EPHA8: variants seen among roughly 807,000 people sequenced by gnomAD.
EPHA8 encodes the protein EPH receptor A8.
In EPHA8, 58 loss-of-function variants were observed where a neutral mutation model predicts 103.6. The ratio of observed to expected loss-of-function variants is 0.56; its 90% CI spans 0.45 to 0.70. The LOEUF is 0.70. Ranked by LOEUF, EPHA8 falls within the 30% of genes least tolerant of loss-of-function variation. The pLI, the probability that EPHA8 is intolerant of heterozygous loss-of-function variation, is 0.00. For missense variants in EPHA8, 1,304 were observed against 1,395.2 expected (o/e 0.93, Z 1.04); for synonymous variants, 559 against 572.5 (o/e 0.98, Z 0.34).
At position 22,567,617 on chromosome 1, in the gene EPHA8, G is replaced by T. The variant is rs1285207978; in HGVS notation, c.95-1672G>T. 6.6e-6 allele frequency among the ~76,000 whole-genome samples: 1 copy of T among 152,178 alleles called. No individual in the cohort carries two copies. The highest frequency in any genetic ancestry group is 1.5e-5 in the Non-Finnish European group (1 of 68,022). ...CCGGCCTCCTTCAGGGTCCCTGACG[G>T]TGGGGTGGGGAGGGTGAGAGGCAGG... On this transcript the variant is annotated intron_variant, in intron 1 of 16. Transcript: ENST00000166244. The surrounding 1 kb of genome is among the most constrained non-coding windows in gnomAD (Gnocchi z 4.2).
intron 4 of EPHA8, among the ~76,000 whole-genome samples, chr1:22,588,647 G>C (rs992239479): frequency 2.0e-5 from 3 of 152,012 alleles, no homozygotes; most frequent in African/African-American, 7.3e-5. Flanking sequence ...GGGGTCCCAG[G>C]GTTCTGTGCC....
rs373394420 is a variant in EPHA8 at position 22,596,086 on chromosome 1, G to A, written c.1698-20G>A. 6 of 1,612,946 alleles carry A rather than the reference G, an allele frequency of 3.7e-6. No homozygotes were observed. The highest frequency in any genetic ancestry group is 5.1e-6 in the Non-Finnish European group (6 of 1,179,408). ...CTAGGGGTGGCCTGGCCTCAGGCAG[G>A]GCGGTGCCCTCCTCTGCAGGCACTG... On this transcript the variant is annotated intron_variant, in intron 8 of 16. Transcript: ENST00000166244.
At position 22,569,373 on chromosome 1, in the gene EPHA8, G is replaced by T. The variant is rs759007058; in HGVS notation, c.159+20G>T. On this transcript the variant is annotated intron_variant, in intron 2 of 16. Transcript: ENST00000166244. The surrounding 1 kb of genome is among the most constrained non-coding windows in gnomAD (Gnocchi z 4.5). ...CATGGGGTGAGTGATGGGCACTGGG[G>T]ACAACGTCATCCCTCTGTGAGCAGA... 1 of 1,572,102 alleles carries T rather than the reference G, an allele frequency of 6.4e-7. No homozygotes were observed. The highest frequency in any genetic ancestry group is 8.6e-7 in the Non-Finnish European group (1 of 1,160,090).
intron 13 of EPHA8, among the ~76,000 whole-genome samples, chr1:22,600,182 A>G (rs1210696156): frequency 8.6e-6 from 1 of 116,138 alleles, no homozygotes. Context: ...GGAAGGAAAG[A>G]AGGAGGGAAG....
Position 22,596,103 on chromosome 1 carries a change from C to G in EPHA8, c.1698-3C>G, listed in dbSNP as rs759355026. The G allele has an allele frequency of 3.7e-6, 6 of 1,613,724 alleles. No individual in the cohort carries two copies. The highest frequency in any genetic ancestry group is 5.1e-6 in the Non-Finnish European group (6 of 1,179,876). On this transcript the variant is annotated splice_region_variant and splice_polypyrimidine_tract_variant and intron_variant, in intron 8 of 16. Coordinates refer to ENST00000166244, the MANE Select transcript of EPHA8 (RefSeq NM_020526.5). Reference sequence around the variant, plus strand: ...TCAGGCAGGGCGGTGCCCTCCTCTGCAGGCACTGTGGCTACAGCAAGGCCT... The same window carrying G: ...TCAGGCAGGGCGGTGCCCTCCTCTGGAGGCACTGTGGCTACAGCAAGGCCT...
Position 22,598,934 on chromosome 1 carries a change from C to G in EPHA8, c.2275C>G (p.Arg759Gly). 1.9e-6 allele frequency: 3 copies of G among 1,612,704 alleles called. No individual in the cohort carries two copies. Among genetic ancestry groups the G allele is most frequent in the Non-Finnish European group, 2.5e-6 (3 of 1,179,836 alleles). Residue 759 changes from arginine to glycine, a missense_variant, in exon 13 of 17, where the codon CGA becomes GGA. Coordinates refer to ENST00000166244, the MANE Select transcript of EPHA8 (RefSeq NM_020526.5). The surrounding 1 kb of genome is among the most constrained non-coding windows in gnomAD (Gnocchi z 5.1). Reference protein sequence around the residue: ...RYLSDLGYVHRDLAARNVLVD... With the variant: ...RYLSDLGYVHGDLAARNVLVD... Reference sequence around the variant, plus strand: ...CCTCTCAGACCTGGGCTATGTCCACCGAGACCTGGCCGCCCGCAACGTCCT... The same window carrying G: ...CCTCTCAGACCTGGGCTATGTCCACGGAGACCTGGCCGCCCGCAACGTCCT...
At chr1:22,593,736 C>A in intron 7 of EPHA8, 50 bp downstream of exon 7, 1 of 1,483,212 alleles carries the variant, frequency 6.7e-7, no homozygotes, top group South Asian at 1.4e-5. Flanking sequence ...GTGCCAGGAC[C>A]CTGGGGTCGG....
At chr1:22,573,579 T>C (rs1209419551) in intron 2 of EPHA8, among the ~76,000 whole-genome samples, 1 of 152,124 alleles carries the variant, frequency 6.6e-6, no homozygotes, top group Non-Finnish European at 1.5e-5. Context: ...ATAGGATCTC[T>C]AGTTCAAGGA....
At chr1:22,578,341 C>A (rs1255875020) in intron 3 of EPHA8, among the ~76,000 whole-genome samples, 1 of 132,396 alleles carries the variant, frequency 7.6e-6, no homozygotes, top group Non-Finnish European at 1.6e-5. Flanking sequence ...TGAGTGTATG[C>A]ATGTGTGTAT....
At chr1:22,591,007 C>A (rs537551866) in intron 5 of EPHA8, among the ~76,000 whole-genome samples, 5 of 152,028 alleles carry the variant, frequency 3.3e-5, no homozygotes, top group East Asian at 2.0e-4. Flanking sequence ...TTCCACCCCC[C>A]ACGAGTCCAT....
At chr1:22,596,670 T>A (rs1050953971) in intron 9 of EPHA8, among the ~76,000 whole-genome samples, 5 of 151,934 alleles carry the variant, frequency 3.3e-5, no homozygotes, top group East Asian at 1.9e-4. Flanking sequence ...TTTTATTATT[T>A]TTTTTTTCTG....
chr1:22,597,672 G>T lies in EPHA8; in HGVS notation c.1931-4G>T. On this transcript the variant is annotated splice_region_variant and splice_polypyrimidine_tract_variant and intron_variant, in intron 10 of 16. Transcript: ENST00000166244. This position sits in a 1 kb window ranked among gnomAD's most constrained non-coding sequence, Gnocchi z 4.6. Reference sequence around the variant, plus strand: ...TCCACACCTGCCCCTCTCGGGGCCTGCAGGAGACTCCGGGGAAGTCTGCTA... The same window carrying T: ...TCCACACCTGCCCCTCTCGGGGCCTTCAGGAGACTCCGGGGAAGTCTGCTA... The T allele has an allele frequency of 6.2e-7, 1 of 1,602,682 alleles. No homozygotes were observed.
chr1:22,565,497 G>T lies in EPHA8; in HGVS notation c.94+1768G>T, dbSNP rs528932651. Among the ~76,000 whole-genome samples, 70 of 152,314 alleles carry T rather than the reference G, an allele frequency of 4.6e-4. No homozygotes were observed. In the South Asian group the frequency reaches 0.014, roughly 30 times the overall value. ...CGAGAAGACGGCTTTCTGAGGGTGGGTGGAGGGAAGGGGACAGTTCGTTTG... is the reference window on the plus strand; with the variant it reads ...CGAGAAGACGGCTTTCTGAGGGTGGTTGGAGGGAAGGGGACAGTTCGTTTG... On this transcript the variant is annotated intron_variant, in intron 1 of 16. Coordinates refer to ENST00000166244, the MANE Select transcript of EPHA8 (RefSeq NM_020526.5).
intron 2 of EPHA8, among the ~76,000 whole-genome samples, chr1:22,572,236 G>A (rs1256978799): frequency 2.6e-5 from 4 of 152,232 alleles, no homozygotes; most frequent in African/African-American, 9.6e-5. Flanking sequence ...AAGGGCCAGG[G>A]CACTGGGTCC....
intron 3 of EPHA8, among the ~76,000 whole-genome samples, chr1:22,585,118 G>T (rs1641166248): frequency 6.6e-6 from 1 of 151,990 alleles, no homozygotes; most frequent in Non-Finnish European, 1.5e-5. Flanking sequence ...AGCTCAGTAG[G>T]TGGACAGAGG....
Position 22,602,060 on chromosome 1 carries a change from G to T in EPHA8, c.*319G>T. 6 of 473,170 alleles carry T rather than the reference G, an allele frequency of 1.3e-5. No homozygotes were observed. The highest frequency in any genetic ancestry group is 1.5e-5 in the Non-Finnish European group (4 of 268,108). 29.3% of individuals were successfully genotyped at this position (473,170 alleles called of 1,614,324 possible). ...TGCCTCTGTGTGCGTGCATGTGTGT[G>T]TGTGGTGGGGGGTGTTCTCACAAGG... On this transcript the variant is annotated 3_prime_UTR_variant, in exon 17 of 17. Transcript: ENST00000166244.
chr1:22,597,578 G>A lies in EPHA8; in HGVS notation c.1931-98G>A. On this transcript the variant is annotated intron_variant, in intron 10 of 16. Transcript: ENST00000166244. This position sits in a 1 kb window ranked among gnomAD's most constrained non-coding sequence, Gnocchi z 4.6. ...GGGCAGAGGGAGCGTGTGACCCAGG[G>A]GTCTGGCAAGCCCAGGGGGTCCAAG... The A allele has an allele frequency of 6.4e-7, 1 of 1,554,262 alleles. No homozygotes were observed. The highest frequency in any genetic ancestry group is 1.2e-5 in the South Asian group (1 of 81,266).
Position 22,576,642 on chromosome 1 carries a change from C to T in EPHA8, c.585C>T (p.Leu195=). 6.2e-7 allele frequency: 1 copy of T among 1,613,942 alleles called. No homozygotes were observed. The highest frequency in any genetic ancestry group is 8.5e-7 in the Non-Finnish European group (1 of 1,180,038). The change falls in exon 3 of 17, where the codon CTC becomes CTT. Residue 195 remains leucine (L), a synonymous_variant. Coordinates refer to ENST00000166244, the MANE Select transcript of EPHA8 (RefSeq NM_020526.5). This position sits in a 1 kb window ranked among gnomAD's most constrained non-coding sequence, Gnocchi z 4.8. ...FQDIGACLAI[L]SLRIYYKKCP... ...ACATAGGTGCCTGCCTGGCCATCCT[C>T]TCTCTCCGCATCTACTATAAGAAGT...
chr1:22,585,225 G>A (rs1365857425), intron 3 of EPHA8, among the ~76,000 whole-genome samples: 3 of 152,150 alleles, frequency 2.0e-5, no homozygotes, highest in African/African-American at 7.2e-5. Context: ...CTTTAGTTTG[G>A]CCTAAGGATG....
Sources: allele counts gnomAD v4.1 joint callset (sites outside exome capture counted in the v4.1 genomes callset), GRCh38; gene constraint gnomAD v4.1.1; non-coding constraint Gnocchi (gnomAD v3.1); transcripts MANE v1.5; gene names NCBI Gene and HGNC (gene_info 2026-07-23, HGNC 2026-07-21).